RABGAP1L: variants seen among roughly 807,000 people sequenced by gnomAD.
The protein encoded by RABGAP1L is rab GTPase-activating protein 1-like.
RABGAP1L carries 63 observed loss-of-function variants against 137.7 expected under a neutral mutation model. The ratio of observed to expected loss-of-function variants is 0.46; its 90% CI spans 0.37 to 0.56. The LOEUF is 0.56. RABGAP1L is among the 20% of genes least tolerant of loss of function. RABGAP1L has a pLI of 0.00. For missense variants in RABGAP1L, 1,095 were observed against 1,244.0 expected (o/e 0.88, Z 1.80); for synonymous variants, 431 against 433.7 (o/e 0.99, Z 0.08).
intron 7 of RABGAP1L, among the ~76,000 whole-genome samples, chr1:174,260,273 A>G (rs1673475971): frequency 6.6e-6 from 1 of 152,212 alleles, no homozygotes; most frequent in Admixed American, 6.5e-5. Context: ...GCTAAACCCA[A>G]TTAATTCTTG....
chr1:174,463,986 A>G (rs945274392), intron 13 of RABGAP1L, among the ~76,000 whole-genome samples: 1 of 152,146 alleles, frequency 6.6e-6, no homozygotes, highest in Middle Eastern at 3.2e-3. Flanking sequence ...AATTTTTTAA[A>G]GGCTTTCTGT....
intron 18 of RABGAP1L, among the ~76,000 whole-genome samples, chr1:174,767,796 A>G (rs1240845582): frequency 2.0e-5 from 3 of 152,114 alleles, no homozygotes. Context: ...AGACTGGGCA[A>G]TTTACAAAAA....
At chr1:174,562,578 C>T (rs766520904) in intron 13 of RABGAP1L, among the ~76,000 whole-genome samples, 6 of 152,114 alleles carry the variant, frequency 3.9e-5, no homozygotes, top group Non-Finnish European at 7.4e-5. Flanking sequence ...CGGCACTATT[C>T]GCAATAGCAA....
intron 13 of RABGAP1L, among the ~76,000 whole-genome samples, chr1:174,400,483 C>G (rs1297520458): frequency 3.3e-5 from 5 of 152,104 alleles, no homozygotes; most frequent in Admixed American, 6.6e-5. Context: ...AATTTTTTCC[C>G]TCCTAAGAGG....
At chr1:174,389,352 C>T (rs1216884600) in intron 12 of RABGAP1L, among the ~76,000 whole-genome samples, 1 of 151,664 alleles carries the variant, frequency 6.6e-6, no homozygotes, top group Non-Finnish European at 1.5e-5. Flanking sequence ...CTCATAGCCA[C>T]CTACTTCCAC....
chr1:174,167,525 T>C (rs1454170721), intron 1 of RABGAP1L, among the ~76,000 whole-genome samples: 1 of 152,200 alleles, frequency 6.6e-6, no homozygotes, highest in Non-Finnish European at 1.5e-5. Flanking sequence ...TTCACAAATA[T>C]GAAAGTAATG....
chr1:174,252,413 C>T (rs1404780599), intron 6 of RABGAP1L, 67 bp from the exon 7 acceptor site: 4 of 1,568,924 alleles, frequency 2.5e-6, no homozygotes, highest in East Asian at 4.6e-5. Flanking sequence ...TTGTTCTAAC[C>T]TTGGAATAGG....
At chr1:174,220,893 T>C in intron 2 of RABGAP1L, 79 bp from the exon 3 acceptor site, 12 of 1,225,438 alleles carry the variant, frequency 9.8e-6, no homozygotes, top group Non-Finnish European at 1.3e-5. Flanking sequence ...TAATTTCTTC[T>C]AGAAATGAAA....
chr1:174,372,553 T>C (rs977055313), intron 12 of RABGAP1L, among the ~76,000 whole-genome samples: 1 of 152,122 alleles, frequency 6.6e-6, no homozygotes, highest in Non-Finnish European at 1.5e-5. Context: ...GGCAGGAGGT[T>C]TTGGTCCTTG....
intron 12 of RABGAP1L, among the ~76,000 whole-genome samples, chr1:174,374,946 T>TA (rs1300167203): frequency 5.9e-5 from 9 of 152,178 alleles, no homozygotes; most frequent in African/African-American, 2.2e-4. Context: ...GAATTTACAA[T>TA]AACAGTCTGG....
intron 13 of RABGAP1L, among the ~76,000 whole-genome samples, chr1:174,403,080 A>C (rs1188586994): frequency 6.6e-6 from 1 of 152,098 alleles, no homozygotes; most frequent in Non-Finnish European, 1.5e-5. Flanking sequence ...GTTAAAATCA[A>C]AAGATGCTTT....
chr1:174,327,969 A>ATATATACG (rs1476853801), intron 11 of RABGAP1L, among the ~76,000 whole-genome samples: 5 of 14,498 alleles, frequency 3.4e-4, no homozygotes, highest in African/African-American at 2.7e-3. Context: ...ATATATATAT[A>ATATATACG]TATATATATA....
chr1:174,344,998 G>A (rs1682311788), intron 11 of RABGAP1L, among the ~76,000 whole-genome samples: 1 of 152,088 alleles, frequency 6.6e-6, no homozygotes, highest in Non-Finnish European at 1.5e-5. Flanking sequence ...TCATCCCTCT[G>A]CATATGGATA....
chr1:174,163,586 A>G (rs1664676584), intron 1 of RABGAP1L, among the ~76,000 whole-genome samples: 1 of 150,050 alleles, frequency 6.7e-6, no homozygotes. Context: ...TTAAAGTAGA[A>G]AACATTTGCC....
intron 13 of RABGAP1L, among the ~76,000 whole-genome samples, chr1:174,404,502 A>C (rs545684325): frequency 6.6e-6 from 1 of 152,282 alleles, no homozygotes; most frequent in Admixed American, 6.5e-5. Flanking sequence ...TGTTAGAACA[A>C]ATACATATCA....
At chr1:174,169,064 ATG>A (rs1302499098) in intron 1 of RABGAP1L, among the ~76,000 whole-genome samples, 12 of 152,220 alleles carry the variant, frequency 7.9e-5, no homozygotes, top group Non-Finnish European at 1.5e-5. Flanking sequence ...TATTTTACAT[ATG>A]ATAATGTAGG....
Position 174,699,561 on chromosome 1 carries a change from A to G in RABGAP1L, c.1936A>G (p.Ile646Val), listed in dbSNP as rs1378313509. 6.2e-7 allele frequency: 1 copy of G among 1,612,248 alleles called. No homozygotes were observed. The highest frequency in any genetic ancestry group is 8.5e-7 in the Non-Finnish European group (1 of 1,178,464). The stretch of plus-strand genomic sequence containing the variant: ...ACAAGCATTCTGTGTTTTGGTGAAA[A>G]TCATGTACGACTATGGTTTGAGAGA... ...EEQAFCVLVK[I>V]MYDYGLRDLY... is the part of the protein sequence containing the mutation. Residue 646 changes from isoleucine to valine, a missense_variant, in exon 16 of 26, where the codon ATC (isoleucine) becomes GTC (valine). Physicochemically the swap from Ile to Val is conservative, Grantham distance 29. Around this residue, in one of 4 missense-constraint regions of RABGAP1L, gnomAD observed 315 missense variants for 324.8 expected, o/e 0.97. Coordinates refer to ENST00000681986, the MANE Select transcript of RABGAP1L (RefSeq NM_001366446.1).
chr1:174,479,911 A>G (rs926656778), intron 13 of RABGAP1L, among the ~76,000 whole-genome samples: 2 of 152,176 alleles, frequency 1.3e-5, no homozygotes, highest in Non-Finnish European at 2.9e-5. Flanking sequence ...AGAAACATCT[A>G]TATCTTTAAT....
At chr1:174,630,020 G>A (rs1673225340) in intron 13 of RABGAP1L, among the ~76,000 whole-genome samples, 1 of 151,330 alleles carries the variant, frequency 6.6e-6, no homozygotes, top group Non-Finnish European at 1.5e-5. Flanking sequence ...GTATGATATT[G>A]GCTGTGGGTT....
Sources: allele counts gnomAD v4.1 joint callset (sites outside exome capture counted in the v4.1 genomes callset), GRCh38; gene constraint gnomAD v4.1.1; regional missense constraint gnomAD v4.1.1; transcripts MANE v1.5; gene names NCBI Gene and HGNC (gene_info 2026-07-23, HGNC 2026-07-21).